The following ANK2 variants were observed in gnomAD, a reference collection of about 807,000 sequenced individuals.
ANK2 encodes ankyrin-2.
In ANK2, 83 loss-of-function variants were observed where a neutral mutation model predicts 360.5. That is an observed-to-expected ratio of 0.23 (90% CI 0.19 to 0.28). ANK2 has a LOEUF of 0.28. Ranked by LOEUF, ANK2 falls within the 10% of genes least tolerant of loss-of-function variation. The pLI is 1.00. For synonymous variants in ANK2, 1,740 were observed against 1,759.5 expected (o/e 0.99, Z 0.28); for missense variants, 4,201 against 4,795.7 (o/e 0.88, Z 3.66).
chr4:113,363,660 A>G (rs2154048790), intron 40 of ANK2, among the ~76,000 whole-genome samples, 191 bp downstream of exon 40: 1 of 152,344 alleles, frequency 6.6e-6, no homozygotes, highest in Middle Eastern at 3.4e-3. Context: ...ATCAATTCCC[A>G]GCAAGGCCAC....
intron 1 of ANK2, among the ~76,000 whole-genome samples, chr4:113,115,712 G>A (rs1318340008): frequency 2.6e-5 from 4 of 152,056 alleles, no homozygotes; most frequent in Non-Finnish European, 2.9e-5. Flanking sequence ...TCTTTATGTA[G>A]TGCAAGAAAT....
At chr4:112,817,147 T>G (rs1257492603), upstream of ANK2, among the ~76,000 whole-genome samples, 3 of 152,248 alleles carry the variant, frequency 2.0e-5, no homozygotes, top group South Asian at 2.1e-4. Context: ...TTGATTATTC[T>G]TACCTTAAAG....
intron 1 of ANK2, among the ~76,000 whole-genome samples, chr4:113,052,716 G>T (rs1471546580): frequency 6.6e-6 from 1 of 152,166 alleles, no homozygotes; most frequent in Non-Finnish European, 1.5e-5. Context: ...GTACACTGGT[G>T]GTTGAACATG....
intron 1 of ANK2, among the ~76,000 whole-genome samples, chr4:113,103,144 A>G (rs1269042186): frequency 2.0e-5 from 3 of 152,108 alleles, no homozygotes; most frequent in Non-Finnish European, 4.4e-5. Context: ...TGTGTTGTCT[A>G]CTCCTGAAGT....
chr4:112,809,180 T>C, the ANK2 span, among the ~76,000 whole-genome samples: 49 of 151,460 alleles, frequency 3.2e-4, no homozygotes, highest in African/African-American at 1.1e-3. Flanking sequence ...ATAAATTTTC[T>C]AGGACAATTC....
At chr4:113,219,524 G>A (rs1486537248) in intron 4 of ANK2, among the ~76,000 whole-genome samples, 1 of 151,946 alleles carries the variant, frequency 6.6e-6, no homozygotes, top group Admixed American at 6.6e-5. Flanking sequence ...ATGAAGAAAA[G>A]CCTACTGCTG....
At chr4:113,163,949 C>T (rs1180818197) in intron 1 of ANK2, among the ~76,000 whole-genome samples, 1 of 151,894 alleles carries the variant, frequency 6.6e-6, no homozygotes, top group Non-Finnish European at 1.5e-5. Context: ...ACTTTGTAAC[C>T]ATCAATAGTC....
At chr4:113,171,178 A>C (rs2097929737) in intron 1 of ANK2, among the ~76,000 whole-genome samples, 1 of 152,314 alleles carries the variant, frequency 6.6e-6, no homozygotes, top group African/African-American at 2.4e-5. Context: ...TGCTTTTATC[A>C]TAATCAGTTG....
intron 1 of ANK2, among the ~76,000 whole-genome samples, chr4:113,083,547 G>T (rs2083283734): frequency 1.3e-5 from 2 of 152,150 alleles, no homozygotes; most frequent in Admixed American, 1.3e-4. Flanking sequence ...TCCTCCAGAT[G>T]TAAAATCCAG....
chr4:112,894,652 A>G (rs77892876), intron 1 of ANK2, among the ~76,000 whole-genome samples: 4,261 of 152,280 alleles, frequency 0.028, 185 homozygotes, highest in African/African-American at 0.093. Flanking sequence ...TCGAAGATCC[A>G]TGAATCCATG....
intron 1 of ANK2, among the ~76,000 whole-genome samples, chr4:112,822,549 C>T (rs960156447): frequency 5.9e-5 from 9 of 151,662 alleles, no homozygotes; most frequent in Non-Finnish European, 1.2e-4. Flanking sequence ...AGTTCGAGAC[C>T]AGCTTGACCA....
At chr4:112,800,227 C>T in the ANK2 span, among the ~76,000 whole-genome samples, 1 of 152,174 alleles carries the variant, frequency 6.6e-6, no homozygotes, top group Non-Finnish European at 1.5e-5. Context: ...ATATGATAGG[C>T]CAATTAAAGT....
intron 1 of ANK2, among the ~76,000 whole-genome samples, chr4:113,055,688 C>A (rs313947): frequency 0.057 from 8,732 of 152,172 alleles, 730 homozygotes; most frequent in African/African-American, 0.18. Flanking sequence ...ACTCTCATTG[C>A]ATATTATTAT....
intron 1 of ANK2, among the ~76,000 whole-genome samples, chr4:112,900,954 T>C (rs2083164333): frequency 6.6e-6 from 1 of 152,326 alleles, no homozygotes; most frequent in African/African-American, 2.4e-5. Flanking sequence ...TTTCCTTGTC[T>C]ACAGAATGTG....
In ANK2 at chr4:113,258,250, C is replaced by T. The variant is rs1006051743; in HGVS notation, c.1288-63C>T. On this transcript the variant is annotated intron_variant, in intron 12 of 45. Transcript: ENST00000357077. Reference sequence around the variant, plus strand: ...TCCTCTTCACTCAAGTTTTATTTATCTGAAGAAGCCCCAAAGCCCCACCGG... The same window carrying T: ...TCCTCTTCACTCAAGTTTTATTTATTTGAAGAAGCCCCAAAGCCCCACCGG... 17 of 1,585,056 alleles carry T rather than the reference C, an allele frequency of 1.1e-5. No individual in the cohort carries two copies. In the African/African-American group the frequency reaches 2.3e-4, roughly 21 times the overall value.
chr4:113,353,968 C>T lies in ANK2; in HGVS notation c.5350C>T (p.Arg1784Ter). The T allele has an allele frequency of 6.2e-7, 1 of 1,613,934 alleles. No individual in the cohort carries two copies. The highest frequency in any genetic ancestry group is 8.5e-7 in the Non-Finnish European group (1 of 1,179,930). The stretch of plus-strand genomic sequence containing the variant: ...GCGAGTGGAAGATGAACAGAAAGGT[C>T]GAAGCAAGTTGCCCATCAGAGTCAA... ...QKRVEDEQKG[R>*]SKLPIRVKGK... Residue 1784 changes from arginine (R) to a stop codon, truncating the protein, a stop_gained, in exon 38 of 46, where the codon CGA (arginine) becomes TGA (stop). Transcript: ENST00000357077. LOFTEE classifies it high-confidence loss of function.
chr4:112,927,584 G>T (rs1235665770), intron 2 of ANK2, among the ~76,000 whole-genome samples: 4 of 152,200 alleles, frequency 2.6e-5, no homozygotes, highest in African/African-American at 9.6e-5. Flanking sequence ...CTAAAAAACA[G>T]AAAAAATTGG....
chr4:113,031,542 ATAT>A (rs1355147812), intron 2 of ANK2: 1 of 151,922 alleles, frequency 6.6e-6, no homozygotes, highest in Non-Finnish European at 1.5e-5. Context: ...TAAAGTAAAG[ATAT>A]TATTTCATCT....
At chr4:113,361,423 GT>G (rs2096215991) in intron 39 of ANK2, among the ~76,000 whole-genome samples, 1 of 151,876 alleles carries the variant, frequency 6.6e-6, no homozygotes, top group Non-Finnish European at 1.5e-5. Flanking sequence ...TTAAGGAAAA[GT>G]GAATTCTAAA....
Sources: gnomAD v4.1 joint callset for allele counts (sites outside exome capture counted in the v4.1 genomes callset) on GRCh38, gnomAD v4.1.1 for gene constraint, MANE v1.5 for transcripts, NCBI Gene and HGNC (gene_info 2026-07-23, HGNC 2026-07-21) for gene names.